Variants in PCDH18 observed in about 807,000 individuals in gnomAD.
PCDH18 encodes protocadherin-18.
PCDH18 carries 38 observed loss-of-function variants against 71.5 expected under a neutral mutation model. The ratio of observed to expected loss-of-function variants is 0.53; its 90% CI spans 0.41 to 0.70. The LOEUF (loss-of-function observed/expected upper bound fraction) is 0.70, where lower values mean the gene tolerates loss of function less well. PCDH18 is among the 30% of genes least tolerant of loss of function. The pLI, the probability that PCDH18 is intolerant of heterozygous loss-of-function variation, is 0.00. For missense variants in PCDH18, 1,334 were observed against 1,384.6 expected (o/e 0.96, Z 0.58); for synonymous variants, 565 against 505.4 (o/e 1.12, Z -1.58).
chr4:137,532,188 C>G lies in PCDH18; in HGVS notation c.-100G>C. Reference sequence around the variant, plus strand: ...GTAAAGCTACATTTGGTACTTGAAACTTGAAAGCGTCTCTTAATAACACAG... The same window carrying G: ...GTAAAGCTACATTTGGTACTTGAAAGTTGAAAGCGTCTCTTAATAACACAG... On this transcript the variant is annotated 5_prime_UTR_variant, in exon 1 of 4. Coordinates refer to ENST00000344876, the MANE Select transcript of PCDH18 (RefSeq NM_019035.5). 1.0e-6 allele frequency: 1 copy of G among 958,534 alleles called. No individual in the cohort carries two copies. The highest frequency in any genetic ancestry group is 2.4e-5 in the East Asian group (1 of 41,632). 59.4% of individuals were successfully genotyped at this position (958,534 alleles called of 1,614,324 possible).
rs1731676371 is a variant in PCDH18, at chr4:137,531,113, C to G, written c.976G>C (p.Ala326Pro). The G allele has an allele frequency of 6.2e-7, 1 of 1,613,800 alleles. No homozygotes were observed. The highest frequency in any genetic ancestry group is 8.5e-7 in the Non-Finnish European group (1 of 1,179,756). The change falls in exon 1 of 4, where the codon GCT becomes CCT. Residue 326 changes from alanine (A) to proline (P), a missense_variant. Transcript: ENST00000344876. ...ITKSYEIDVQ[A>P]QDLGPNSIPA... ...ATTGAATTTGGACCCAAATCTTGAG[C>G]CTGAACATCAATCTCATAGGATTTG... is the stretch of plus-strand genomic sequence containing the variant.
intron 3 of PCDH18, among the ~76,000 whole-genome samples, chr4:137,527,484 C>T (rs1315101875): frequency 1.3e-5 from 2 of 152,082 alleles, no homozygotes; most frequent in East Asian, 1.9e-4. Flanking sequence ...CCTGCTGATA[C>T]GGAATGTCAG....
Position 137,524,681 on chromosome 4 carries a change from G to A in PCDH18, c.2741-2985C>T, listed in dbSNP as rs568905647. On this transcript the variant is annotated intron_variant, in intron 3 of 3. Transcript: ENST00000344876. ...TTCTAGCTATAACAAAAGATACAAAGATGGCAACATATGAGAGTTAATAAG... is the reference window on the plus strand; with the variant it reads ...TTCTAGCTATAACAAAAGATACAAAAATGGCAACATATGAGAGTTAATAAG... Among the ~76,000 whole-genome samples, 6 of 152,264 alleles carry A rather than the reference G, an allele frequency of 3.9e-5. No individual in the cohort carries two copies. In the South Asian group the frequency reaches 1.2e-3, roughly 32 times the overall value.
rs543232500 is a variant in PCDH18 at position 137,524,783 on chromosome 4, G to A, written c.2741-3087C>T. 5.3e-5 allele frequency among the ~76,000 whole-genome samples: 8 copies of A among 152,254 alleles called. No individual in the cohort carries two copies. The South Asian group carries it at 8.3e-4, about 16-fold the overall frequency. On this transcript the variant is annotated intron_variant, in intron 3 of 3. Transcript: ENST00000344876. Reference sequence around the variant, plus strand: ...AATGTTGCTGGGCAACAAGAGTTAAGTATTGATTTTGAGCCAAAAAATGTG... The same window carrying A: ...AATGTTGCTGGGCAACAAGAGTTAAATATTGATTTTGAGCCAAAAAATGTG...
At position 137,521,380 on chromosome 4, in the gene PCDH18, G is replaced by C. The variant is rs747672756; in HGVS notation, c.3057C>G (p.Ser1019=). The C allele has an allele frequency of 3.1e-6, 5 of 1,614,062 alleles. No homozygotes were observed. The highest frequency in any genetic ancestry group is 4.2e-6 in the Non-Finnish European group (5 of 1,180,034). ...SSVFQRLLPP[S]LDTYSECSEV... Reference sequence around the variant, plus strand: ...CACTGCATTCAGAATAGGTGTCCAGGGAAGGCGGTAAGAGACGCTGGAACA... The same window carrying C: ...CACTGCATTCAGAATAGGTGTCCAGCGAAGGCGGTAAGAGACGCTGGAACA... The change falls in exon 4 of 4, where the codon TCC becomes TCG. Residue 1019 remains serine, a synonymous_variant. Transcript: ENST00000344876.
In PCDH18 at chr4:137,531,753, A is replaced by C. The variant is rs1273166847; in HGVS notation, c.336T>G (p.Thr112=). Residue 112 remains threonine, a synonymous_variant, in exon 1 of 4, where the codon ACT becomes ACG. Coordinates refer to ENST00000344876, the MANE Select transcript of PCDH18 (RefSeq NM_019035.5). ...LNCSIEFDVI[T]LPTEHLQLFH... Reference sequence around the variant, plus strand: ...AAAGCTGCAGATGCTCTGTGGGTAGAGTGATCACATCAAACTCTATGGAAC... The same window carrying C: ...AAAGCTGCAGATGCTCTGTGGGTAGCGTGATCACATCAAACTCTATGGAAC... 4 of 1,614,064 alleles carry C rather than the reference A, an allele frequency of 2.5e-6. No individual in the cohort carries two copies. The African/African-American group carries it at 4.0e-5, about 16-fold the overall frequency.
intron 3 of PCDH18, among the ~76,000 whole-genome samples, chr4:137,523,439 A>G (rs1731360411): frequency 6.6e-6 from 1 of 151,956 alleles, no homozygotes; most frequent in Admixed American, 6.5e-5. Context: ...AATAACAATC[A>G]TAGTGGTAAT....
chr4:137,528,354 CATATT>C (rs1731539100), intron 3 of PCDH18, 119 bp downstream of exon 3: 4 of 740,816 alleles, frequency 5.4e-6, no homozygotes, highest in Admixed American at 2.5e-5. Context: ...TACTATAAAA[CATATT>C]ATAAATACTT....
Position 137,521,687 on chromosome 4 carries a change from A to C in PCDH18, c.2750T>G (p.Leu917Arg), listed in dbSNP as rs939992692. The change falls in exon 4 of 4, where the codon CTC becomes CGC. Residue 917 changes from leucine to arginine, a missense_variant. Physicochemically the swap from Leu to Arg is moderately radical, Grantham distance 102. Coordinates refer to ENST00000344876, the MANE Select transcript of PCDH18 (RefSeq NM_019035.5). ...CAGGACCCTGCACTCCTCCGTGCAG[A>C]GTCTCATAGCTGCACTCAAGAAAAA... ...TDGRIPAAMR[L>R]CTEECRVLGH... The C allele has an allele frequency of 2.5e-6, 4 of 1,600,178 alleles. No individual in the cohort carries two copies. Among genetic ancestry groups the C allele is most frequent in the Non-Finnish European group, 2.6e-6 (3 of 1,173,546 alleles).
chr4:137,523,927 A>C (rs567178414), intron 3 of PCDH18, among the ~76,000 whole-genome samples: 1 of 152,296 alleles, frequency 6.6e-6, no homozygotes, highest in Admixed American at 6.5e-5. Context: ...AGAAAAGACT[A>C]ATGGAGGGAA....
At chr4:137,525,890 A>G (rs1003371927) in intron 3 of PCDH18, among the ~76,000 whole-genome samples, 34 of 152,094 alleles carry the variant, frequency 2.2e-4, no homozygotes, top group African/African-American at 8.0e-4. Context: ...ATTATTAATG[A>G]TGATATAAAG....
chr4:137,521,722 T>C (rs1458509380), intron 3 of PCDH18, 26 bp from the exon 4 acceptor site: 4 of 1,540,696 alleles, frequency 2.6e-6, no homozygotes, highest in East Asian at 2.3e-5. Flanking sequence ...ACAGTGGGGA[T>C]TCATTATTAT....
rs142429704 is a variant in PCDH18, at chr4:137,521,444, T to C, written c.2993A>G (p.Asp998Gly). The C allele has an allele frequency of 1.9e-6, 3 of 1,614,170 alleles. No individual in the cohort carries two copies. Among genetic ancestry groups the C allele is most frequent in the Non-Finnish European group, 2.5e-6 (3 of 1,180,032 alleles). ...KDSPNDEDTG[D>G]TSTSSLLSEM... The stretch of plus-strand genomic sequence containing the variant: ...CGAGAGCAGAGATGATGTGCTGGTA[T>C]CCCCAGTGTCCTCATCGTTTGGGGA... Residue 998 changes from aspartate to glycine, a missense_variant, in exon 4 of 4, where the codon GAT (aspartate) becomes GGT (glycine). Coordinates refer to ENST00000344876, the MANE Select transcript of PCDH18 (RefSeq NM_019035.5).
chr4:137,526,639 G>A (rs981019591), intron 3 of PCDH18, among the ~76,000 whole-genome samples: 1 of 151,944 alleles, frequency 6.6e-6, no homozygotes, highest in Non-Finnish European at 1.5e-5. Context: ...TCAGGTACAC[G>A]GCATGCCTTA....
Position 137,530,558 on chromosome 4 carries a change from C to G in PCDH18, c.1531G>C (p.Gly511Arg), listed in dbSNP as rs1731643978. ...TYTILESFIL[G>R]SSITTYVTID... ...GTTACATATGTAGTTATGGAACTTC[C>G]TAGAATAAAACTCTCCAAGATGGTG... Residue 511 changes from glycine to arginine, a missense_variant, in exon 1 of 4, where the codon GGA (glycine) becomes CGA (arginine). Gly to Arg is a moderately radical substitution (Grantham distance 125). This residue lies in a region of PCDH18 where 1,011 missense variants were observed against 1,048.0 expected (regional missense o/e 0.96). Coordinates refer to ENST00000344876, the MANE Select transcript of PCDH18 (RefSeq NM_019035.5). 1 of 1,613,874 alleles carries G rather than the reference C, an allele frequency of 6.2e-7. No homozygotes were observed. The highest frequency in any genetic ancestry group is 8.5e-7 in the Non-Finnish European group (1 of 1,179,956).
chr4:137,528,699 A>T lies in PCDH18; in HGVS notation c.2576+33T>A, dbSNP rs749880279. The T allele has an allele frequency of 4.4e-6, 7 of 1,607,246 alleles. No homozygotes were observed. The South Asian group carries it at 5.5e-5, about 13-fold the overall frequency. On this transcript the variant is annotated intron_variant, in intron 2 of 3. Transcript: ENST00000344876. ...TTTTTACTCTTCAGCATTTATGTTG[A>T]AACTTAATAGGTAACACAAGAATAA...
rs915257772 is a variant in PCDH18, at chr4:137,520,249, G to A, written c.*780C>T. On this transcript the variant is annotated 3_prime_UTR_variant, in exon 4 of 4. Coordinates refer to ENST00000344876, the MANE Select transcript of PCDH18 (RefSeq NM_019035.5). Reference sequence around the variant, plus strand: ...GAGCATGTTTCATACTACAAGGATGGAATAAAATTTATTGTTTACCATAAT... The same window carrying A: ...GAGCATGTTTCATACTACAAGGATGAAATAAAATTTATTGTTTACCATAAT... 1.3e-5 allele frequency: 2 copies of A among 152,448 alleles called. No homozygotes were observed. The highest frequency in any genetic ancestry group is 4.8e-5 in the African/African-American group (2 of 41,426). 9.4% of individuals were successfully genotyped at this position (152,448 alleles called of 1,614,324 possible). A position where few individuals can be genotyped will look rare whatever the true frequency, so the allele number is the denominator to read the frequency against.
intron 3 of PCDH18, among the ~76,000 whole-genome samples, chr4:137,523,914 A>G (rs916013088): frequency 3.9e-5 from 6 of 152,198 alleles, no homozygotes; most frequent in African/African-American, 1.4e-4. Flanking sequence ...AGAAAAATTG[A>G]TGAGAAAAGA....
chr4:137,520,476 T>A lies in PCDH18; in HGVS notation c.*553A>T, dbSNP rs1354698425. On this transcript the variant is annotated 3_prime_UTR_variant, in exon 4 of 4. Coordinates refer to ENST00000344876, the MANE Select transcript of PCDH18 (RefSeq NM_019035.5). Reference sequence around the variant, plus strand: ...AGTCCTGAAATAAACTTTCACTTTATCTTTCGATTTTCCTATAAGAGTTCA... The same window carrying A: ...AGTCCTGAAATAAACTTTCACTTTAACTTTCGATTTTCCTATAAGAGTTCA... The A allele has an allele frequency of 6.6e-6, 1 of 152,444 alleles. No individual in the cohort carries two copies. The highest frequency in any genetic ancestry group is 1.5e-5 in the Non-Finnish European group (1 of 68,044). 9.4% of individuals were successfully genotyped at this position (152,444 alleles called of 1,614,324 possible). A position where few individuals can be genotyped will look rare whatever the true frequency, so the allele number is the denominator to read the frequency against.
Sources: allele counts gnomAD v4.1 joint callset (sites outside exome capture counted in the v4.1 genomes callset), GRCh38; gene constraint gnomAD v4.1.1; regional missense constraint gnomAD v4.1.1; transcripts MANE v1.5; gene names NCBI Gene and HGNC (gene_info 2026-07-23, HGNC 2026-07-21).